AGBL4: variants seen among roughly 807,000 people sequenced by gnomAD.
AGBL4 encodes cytosolic carboxypeptidase 6.
AGBL4 carries 58 observed loss-of-function variants against 66.4 expected under a neutral mutation model. The ratio of observed to expected loss-of-function variants is 0.87; its 90% CI spans 0.71 to 1.09. The LOEUF (loss-of-function observed/expected upper bound fraction) is 1.09. Among genes scored for constraint, AGBL4 ranks in the 50% least tolerant of loss-of-function variants. The probability of loss-of-function intolerance (pLI) is 0.00; values close to 1 mark genes in which losing one functional copy is unlikely to be tolerated. For missense variants in AGBL4, 579 were observed against 631.0 expected, an observed-to-expected ratio of 0.92 and a Z score of 0.88; for synonymous variants, 234 against 222.9, an observed-to-expected ratio of 1.05 and a Z score of -0.44.
At chr1:49,080,485 C>A (rs1644790056) in intron 4 of AGBL4, among the ~76,000 whole-genome samples, 1 of 152,140 alleles carries the variant, frequency 6.6e-6, no homozygotes, top group African/African-American at 2.4e-5. Flanking sequence ...GAAATGAATA[C>A]CCCAACTTTG....
At position 49,180,094 on chromosome 1, in the gene AGBL4, T is replaced by C. The variant is rs192355919; in HGVS notation, c.377+65676A>G. 9.0e-4 allele frequency among the ~76,000 whole-genome samples: 137 copies of C among 151,844 alleles called. 2 individuals carry two copies. The highest frequency in any genetic ancestry group is 8.9e-3 in the Admixed American group (135 of 15,230). Reference sequence around the variant, plus strand: ...TTTTGTATTTTTAGTAGAGACGAGGTTTCTCCATGTTGAGGCTGGTCTCGA... The same window carrying C: ...TTTTGTATTTTTAGTAGAGACGAGGCTTCTCCATGTTGAGGCTGGTCTCGA... On this transcript the variant is annotated intron_variant, in intron 4 of 13. Transcript: ENST00000371839.
chr1:49,338,811 C>T (rs1265167683), intron 3 of AGBL4, among the ~76,000 whole-genome samples: 1 of 152,050 alleles, frequency 6.6e-6, no homozygotes, highest in Non-Finnish European at 1.5e-5. Flanking sequence ...GTGGAGGAAG[C>T]CTTTATTGGG....
rs1396112182 is a variant in AGBL4, at chr1:49,669,350, T to G, written c.282+27963A>C. The stretch of plus-strand genomic sequence containing the variant: ...ATTTTGAAAAGCTGGGACTTTACTT[T>G]GAGGACTAATTAGAAGCTGGTAAGA... On this transcript the variant is annotated intron_variant, in intron 3 of 13. Coordinates refer to ENST00000371839, the MANE Select transcript of AGBL4 (RefSeq NM_032785.4). Among the ~76,000 whole-genome samples, 7 of 152,182 alleles carry G rather than the reference T, an allele frequency of 4.6e-5. No homozygotes were observed. In the South Asian group the frequency reaches 1.5e-3, roughly 32 times the overall value.
intron 4 of AGBL4, among the ~76,000 whole-genome samples, chr1:49,097,395 G>T (rs1243248212): frequency 6.6e-6 from 1 of 152,130 alleles, no homozygotes; most frequent in Non-Finnish European, 1.5e-5. Context: ...TGGTTACACT[G>T]ATGTGTTCAG....
chr1:49,918,543 T>C (rs1038904260), intron 1 of AGBL4, among the ~76,000 whole-genome samples: 3 of 152,112 alleles, frequency 2.0e-5, no homozygotes, highest in African/African-American at 7.2e-5. Flanking sequence ...CAGGAAGAAG[T>C]TGAATCCCTG....
intron 5 of AGBL4, among the ~76,000 whole-genome samples, chr1:49,028,482 A>G (rs1663918072): frequency 6.6e-6 from 1 of 152,208 alleles, no homozygotes; most frequent in Non-Finnish European, 1.5e-5. Context: ...CCAAACTTGA[A>G]GTAGGATAAA....
At chr1:49,517,627 A>G (rs576386715) in intron 3 of AGBL4, among the ~76,000 whole-genome samples, 2 of 152,062 alleles carry the variant, frequency 1.3e-5, no homozygotes, top group East Asian at 3.9e-4. Flanking sequence ...AAGCACTACT[A>G]CCTCCATTTT....
intron 6 of AGBL4, among the ~76,000 whole-genome samples, chr1:48,705,107 A>C (rs554687428): frequency 6.6e-6 from 1 of 152,354 alleles, no homozygotes; most frequent in East Asian, 1.9e-4. Context: ...TGACCAAAAC[A>C]TCATTATGTG....
intron 6 of AGBL4, among the ~76,000 whole-genome samples, chr1:48,815,517 C>T (rs1196399112): frequency 1.3e-5 from 2 of 152,090 alleles, no homozygotes; most frequent in African/African-American, 2.4e-5. Flanking sequence ...TAGCTTTCAA[C>T]AAGTGACTTC....
chr1:49,298,207 T>C lies in AGBL4; in HGVS notation c.283-52343A>G, dbSNP rs72897756. The stretch of plus-strand genomic sequence containing the variant: ...CTCATACCAAACAAGTGGGTTTTTA[T>C]TTCTGTAGAGAATGGCAGCCTTTTC... On this transcript the variant is annotated intron_variant, in intron 3 of 13. Transcript: ENST00000371839. Among the ~76,000 whole-genome samples the C allele has an allele frequency of 9.0e-3, 1,366 of 152,324 alleles. 19 individuals are homozygous for C. Among genetic ancestry groups the C allele is most frequent in the Middle Eastern group, 0.024 (7 of 294 alleles).
intron 2 of AGBL4, among the ~76,000 whole-genome samples, chr1:49,714,316 G>T (rs767754744): frequency 1.3e-5 from 2 of 151,816 alleles, no homozygotes; most frequent in Non-Finnish European, 2.9e-5. Context: ...AATGTAGATT[G>T]TACTGATTAA....
At chr1:49,074,292 G>GGC (rs1644668459) in intron 4 of AGBL4, among the ~76,000 whole-genome samples, 1 of 152,216 alleles carries the variant, frequency 6.6e-6, no homozygotes, top group Admixed American at 6.5e-5. Context: ...TCCCAGTACA[G>GGC]TCTCTCAAGG....
At chr1:48,870,337 C>G (rs1386507849) in intron 5 of AGBL4, among the ~76,000 whole-genome samples, 4 of 151,982 alleles carry the variant, frequency 2.6e-5, no homozygotes, top group Non-Finnish European at 4.4e-5. Context: ...CATGTACCGT[C>G]TTCATTGTCT....
intron 6 of AGBL4, among the ~76,000 whole-genome samples, chr1:48,838,519 C>G (rs189894504): frequency 1.2e-3 from 189 of 152,186 alleles, no homozygotes; most frequent in Non-Finnish European, 1.8e-3. Flanking sequence ...TATCTCTCAC[C>G]ATATATAAAA....
At chr1:49,723,691 T>A (rs1300782084) in intron 2 of AGBL4, among the ~76,000 whole-genome samples, 1 of 152,118 alleles carries the variant, frequency 6.6e-6, no homozygotes, top group Non-Finnish European at 1.5e-5. Context: ...CATCATCTTT[T>A]CTTATCACTT....
At chr1:49,738,995 C>A (rs11205644) in intron 2 of AGBL4, among the ~76,000 whole-genome samples, 2 of 152,116 alleles carry the variant, frequency 1.3e-5, no homozygotes, top group South Asian at 4.1e-4. Context: ...AAAATCAGAG[C>A]GCCTCTCCTC....
intron 2 of AGBL4, among the ~76,000 whole-genome samples, chr1:49,842,823 G>T (rs1445558804): frequency 6.6e-6 from 1 of 152,156 alleles, no homozygotes; most frequent in African/African-American, 2.4e-5. Context: ...CAGTCTGAGA[G>T]AATACTAGCA....
intron 2 of AGBL4, among the ~76,000 whole-genome samples, chr1:49,717,915 C>T (rs184203124): frequency 1.3e-5 from 2 of 152,070 alleles, no homozygotes; most frequent in African/African-American, 4.8e-5. Flanking sequence ...AATACAAATG[C>T]GAATATATCA....
intron 5 of AGBL4, among the ~76,000 whole-genome samples, chr1:48,909,697 A>T (rs1053436818): frequency 6.6e-6 from 1 of 152,234 alleles, no homozygotes; most frequent in Non-Finnish European, 1.5e-5. Flanking sequence ...AGACAGGAAG[A>T]TGTCAAAGCA....
Sources: allele counts gnomAD v4.1 joint callset (sites outside exome capture counted in the v4.1 genomes callset), GRCh38; gene constraint gnomAD v4.1.1; transcripts MANE v1.5; gene names NCBI Gene and HGNC (gene_info 2026-07-23, HGNC 2026-07-21).